Variants in KCNQ1 observed in about 807,000 individuals in gnomAD.
KCNQ1 encodes potassium voltage-gated channel subfamily KQT member 1.
Under a neutral mutation model 72.4 loss-of-function variants are expected in KCNQ1, and 49 were observed. That is an observed-to-expected ratio of 0.68 (90% CI 0.54 to 0.86). The LOEUF (loss-of-function observed/expected upper bound fraction) is 0.86. KCNQ1 is among the 40% of genes least tolerant of loss of function. The probability of loss-of-function intolerance (pLI) is 0.00; values close to 1 mark genes in which losing one functional copy is unlikely to be tolerated. For missense variants in KCNQ1, 790 were observed against 945.1 expected (o/e 0.84, Z 2.15); for synonymous variants, 450 against 412.6 (o/e 1.09, Z -1.10).
intron 15 of KCNQ1, among the ~76,000 whole-genome samples, chr11:2,786,726 T>C (rs930301727): frequency 6.6e-6 from 1 of 152,104 alleles, no homozygotes; most frequent in African/African-American, 2.4e-5. Context: ...ATTTTATTTA[T>C]AAAAGTTCTG....
At chr11:2,527,876 C>G (rs751152482) in intron 1 of KCNQ1, 52 bp from the exon 2 acceptor site, 77 of 1,537,212 alleles carry the variant, frequency 5.0e-5, no homozygotes, top group Middle Eastern at 1.7e-4. Context: ...CCAGGTGCAT[C>G]TGTGGGATGG....
At position 2,690,620 on chromosome 11, in the gene KCNQ1, C is replaced by T. The variant is rs767161380; in HGVS notation, c.1514+28539C>T. The T allele has an allele frequency of 4.6e-4, 183 of 398,632 alleles. No individual in the cohort carries two copies. The highest frequency in any genetic ancestry group is 1.9e-3 in the Middle Eastern group (3 of 1,588). 24.7% of individuals were successfully genotyped at this position (398,632 alleles called of 1,614,324 possible). The stretch of plus-strand genomic sequence containing the variant: ...AGTGGGGCACACATATGTGCATGTT[C>T]ATATATGTGTCAGAATGCGTATTTG... On this transcript the variant is annotated intron_variant, in intron 11 of 15. Coordinates refer to ENST00000155840, the MANE Select transcript of KCNQ1 (RefSeq NM_000218.3). This position sits in a 1 kb window ranked among gnomAD's most constrained non-coding sequence, Gnocchi z 5.1.
intron 6 of KCNQ1, among the ~76,000 whole-genome samples, chr11:2,575,510 G>C (rs1848409856): frequency 6.6e-6 from 1 of 152,210 alleles, no homozygotes; most frequent in Admixed American, 6.5e-5. Context: ...AACGCAAGAA[G>C]GGGCAGCAGC....
chr11:2,457,797 A>G lies in KCNQ1; in HGVS notation c.386+12313A>G, dbSNP rs1342592937. Among the ~76,000 whole-genome samples, 4 of 151,924 alleles carry G rather than the reference A, an allele frequency of 2.6e-5. No homozygotes were observed. The highest frequency in any genetic ancestry group is 7.3e-5 in the African/African-American group (3 of 41,270). The stretch of plus-strand genomic sequence containing the variant: ...CTATTAAAAAAGTTGAATAAAATGG[A>G]AACTTTTGGCATGGGAGAAAAAAAA... On this transcript the variant is annotated intron_variant, in intron 1 of 15. Transcript: ENST00000155840. The surrounding 1 kb of genome is among the most constrained non-coding windows in gnomAD (Gnocchi z 5.0).
intron 10 of KCNQ1, chr11:2,650,447 G>T (rs929228501): frequency 5.0e-6 from 2 of 398,458 alleles, no homozygotes; most frequent in Non-Finnish European, 8.8e-6. Context: ...GTATCATTTG[G>T]GTAGGGTGCT....
At chr11:2,553,162 G>GC in intron 2 of KCNQ1, among the ~76,000 whole-genome samples, 1 of 105,850 alleles carries the variant, frequency 9.4e-6, no homozygotes, top group African/African-American at 4.6e-5. Flanking sequence ...GGTTTTTTTT[G>GC]TTTTTTTTTT....
chr11:2,530,381 G>T (rs985539249), intron 2 of KCNQ1, among the ~76,000 whole-genome samples: 2 of 152,272 alleles, frequency 1.3e-5, no homozygotes, highest in African/African-American at 4.8e-5. Flanking sequence ...GCCATGGGGC[G>T]GGTCTGTGGG....
In KCNQ1 at chr11:2,816,616, G is replaced by A. The variant is rs1217315701; in HGVS notation, c.1795-31151G>A. On this transcript the variant is annotated intron_variant, in intron 15 of 15. Coordinates refer to ENST00000155840, the MANE Select transcript of KCNQ1 (RefSeq NM_000218.3). The surrounding 1 kb of genome is among the most constrained non-coding windows in gnomAD (Gnocchi z 6.8). ...ATGAGGGGCTGGAGGCAGCAGAAAG[G>A]GGGCTATAGGACCCTTTGACTCAAG... 6.6e-6 allele frequency among the ~76,000 whole-genome samples: 1 copy of A among 152,152 alleles called. No homozygotes were observed. Among genetic ancestry groups the A allele is most frequent in the African/African-American group, 2.4e-5 (1 of 41,440 alleles).
rs964211384 is a variant in KCNQ1 at position 2,785,090 on chromosome 11, G to A, written c.1794+7053G>A. ...AGAAGTGCTAGAGCAGATCTTCTGG[G>A]GAAAATCATTCAATCAATTTCCATT... On this transcript the variant is annotated intron_variant, in intron 15 of 15. Transcript: ENST00000155840. The surrounding 1 kb of genome is among the most constrained non-coding windows in gnomAD (Gnocchi z 4.4). Among the ~76,000 whole-genome samples, 3 of 151,910 alleles carry A rather than the reference G, an allele frequency of 2.0e-5. No homozygotes were observed. The highest frequency in any genetic ancestry group is 7.2e-5 in the African/African-American group (3 of 41,424).
intron 11 of KCNQ1, among the ~76,000 whole-genome samples, chr11:2,718,640 T>G (rs999622582): frequency 6.6e-6 from 1 of 152,208 alleles, no homozygotes; most frequent in Admixed American, 6.5e-5. Flanking sequence ...TGTAGACGCA[T>G]GACTCCCCAG....
rs1277849188 is a variant in KCNQ1, at chr11:2,673,170, A to G, written c.1514+11089A>G. ...CCCTGACCCAAGCACGAGGATCAGA[A>G]TGGGCCCTGGAGCCAAGGCCAAAAG... On this transcript the variant is annotated intron_variant, in intron 11 of 15. Coordinates refer to ENST00000155840, the MANE Select transcript of KCNQ1 (RefSeq NM_000218.3). This position sits in a 1 kb window ranked among gnomAD's most constrained non-coding sequence, Gnocchi z 4.5. 5.0e-6 allele frequency: 2 copies of G among 398,562 alleles called. No individual in the cohort carries two copies. The highest frequency in any genetic ancestry group is 8.8e-5 in the Admixed American group (2 of 22,716). The allele number at this position is 398,562 out of a possible 1,614,324, so 24.7% of individuals were successfully genotyped here.
At chr11:2,548,854 G>A (rs1370234110) in intron 2 of KCNQ1, among the ~76,000 whole-genome samples, 2 of 152,240 alleles carry the variant, frequency 1.3e-5, no homozygotes, top group Non-Finnish European at 2.9e-5. Flanking sequence ...GTGGGTGTCT[G>A]AGGAGAAGTT....
Position 2,495,086 on chromosome 11 carries a change from A to C in KCNQ1, c.387-32842A>C, listed in dbSNP as rs189223973. ...GTCTTGGAGGGTGTATGTGTCCAGGAATTTATCCATTTTTTCTAGATTTTC... is the reference window on the plus strand; with the variant it reads ...GTCTTGGAGGGTGTATGTGTCCAGGCATTTATCCATTTTTTCTAGATTTTC... On this transcript the variant is annotated intron_variant, in intron 1 of 15. Coordinates refer to ENST00000155840, the MANE Select transcript of KCNQ1 (RefSeq NM_000218.3). This position sits in a 1 kb window ranked among gnomAD's most constrained non-coding sequence, Gnocchi z 4.6. Among the ~76,000 whole-genome samples the C allele has an allele frequency of 5.3e-4, 81 of 152,148 alleles. No individual in the cohort carries two copies. The South Asian group carries it at 9.1e-3, about 17-fold the overall frequency.
rs1382719064 is a variant in KCNQ1 at position 2,682,806 on chromosome 11, G to T, written c.1514+20725G>T. On this transcript the variant is annotated intron_variant, in intron 11 of 15. Coordinates refer to ENST00000155840, the MANE Select transcript of KCNQ1 (RefSeq NM_000218.3). This position sits in a 1 kb window ranked among gnomAD's most constrained non-coding sequence, Gnocchi z 5.8. ...TGGGCACCATGAAATGCAGTGACTT[G>T]CAGTGATCCTCCTGGGGCCTTGTAT... is the stretch of plus-strand genomic sequence containing the variant. 1 of 398,526 alleles carries T rather than the reference G, an allele frequency of 2.5e-6. No homozygotes were observed. Among genetic ancestry groups the T allele is most frequent in the African/African-American group, 2.1e-5 (1 of 48,626 alleles). The allele number at this position is 398,526 out of a possible 1,614,324, so 24.7% of individuals were successfully genotyped here. A position where few individuals can be genotyped will look rare whatever the true frequency, so the allele number is the denominator to read the frequency against.
At chr11:2,510,772 A>T (rs760522858) in intron 1 of KCNQ1, among the ~76,000 whole-genome samples, 3 of 152,164 alleles carry the variant, frequency 2.0e-5, no homozygotes, top group Non-Finnish European at 4.4e-5. Flanking sequence ...GCCTGCCTCC[A>T]GGTCCTGGGA....
At position 2,593,562 on chromosome 11, in the gene KCNQ1, G is replaced by C. The variant is rs113243341; in HGVS notation, c.1393+4708G>C. 0.016 allele frequency among the ~76,000 whole-genome samples: 2,464 copies of C among 152,282 alleles called. 62 individuals carry two copies. Among genetic ancestry groups the C allele is most frequent in the African/African-American group, 0.055 (2,280 of 41,548 alleles). The stretch of plus-strand genomic sequence containing the variant: ...CCAGGTGACCTGGGACTATTGTGTG[G>C]TTTCCCGTTTGTGAAGTGGGGCAGC... On this transcript the variant is annotated intron_variant, in intron 10 of 15. Coordinates refer to ENST00000155840, the MANE Select transcript of KCNQ1 (RefSeq NM_000218.3). The surrounding 1 kb of genome is among the most constrained non-coding windows in gnomAD (Gnocchi z 6.9).
In KCNQ1 at chr11:2,624,560, T is replaced by C. The variant is rs116003312; in HGVS notation, c.1393+35706T>C. 8.3e-3 allele frequency: 3,327 copies of C among 398,526 alleles called. 77 individuals are homozygous for C. Among genetic ancestry groups the C allele is most frequent in the African/African-American group, 0.059 (2,869 of 48,748 alleles). The allele number at this position is 398,526 out of a possible 1,614,324, so 24.7% of individuals were successfully genotyped here. ...TTTCTATTTGTTGTTGATTTCCAAA[T>C]CTTTTATTGTGGCAAAATACACTTA... On this transcript the variant is annotated intron_variant, in intron 10 of 15. Coordinates refer to ENST00000155840, the MANE Select transcript of KCNQ1 (RefSeq NM_000218.3). This position sits in a 1 kb window ranked among gnomAD's most constrained non-coding sequence, Gnocchi z 4.9.
rs988807141 is a variant in KCNQ1 at position 2,720,514 on chromosome 11, G to A, written c.1515-48330G>A. ...CTGGCCTCTCTCTGTAAGGGGAGAG[G>A]GACCCAGGGCTGACCAGAGCAAGCA... On this transcript the variant is annotated intron_variant, in intron 11 of 15. Coordinates refer to ENST00000155840, the MANE Select transcript of KCNQ1 (RefSeq NM_000218.3). The surrounding 1 kb of genome is among the most constrained non-coding windows in gnomAD (Gnocchi z 5.1). Among the ~76,000 whole-genome samples, 1 of 152,112 alleles carries A rather than the reference G, an allele frequency of 6.6e-6. No individual in the cohort carries two copies. Among genetic ancestry groups the A allele is most frequent in the Admixed American group, 6.5e-5 (1 of 15,280 alleles).
chr11:2,504,605 A>G (rs564328092), intron 1 of KCNQ1, among the ~76,000 whole-genome samples: 2 of 152,242 alleles, frequency 1.3e-5, no homozygotes, highest in Admixed American at 1.3e-4. Flanking sequence ...AAAAACAGGA[A>G]AATTAGCTGG....
Sources: allele counts gnomAD v4.1 joint callset (sites outside exome capture counted in the v4.1 genomes callset), GRCh38; gene constraint gnomAD v4.1.1; non-coding constraint Gnocchi (gnomAD v3.1); transcripts MANE v1.5; gene names NCBI Gene and HGNC (gene_info 2026-07-23, HGNC 2026-07-21).